TGFBR3: variants seen among roughly 807,000 people sequenced by gnomAD.
TGFBR3 encodes transforming growth factor beta receptor 3, also known as transforming growth factor beta receptor type 3.
A neutral mutation model predicts 87.9 loss-of-function variants in TGFBR3; 46 were observed. That is an observed-to-expected ratio of 0.52 (90% confidence interval 0.41 to 0.67). TGFBR3 has a LOEUF of 0.67. Among genes scored for constraint, TGFBR3 ranks in the 30% least tolerant of loss-of-function variants. The probability of loss-of-function intolerance (pLI) is 0.00; values close to 1 mark genes in which losing one functional copy is unlikely to be tolerated. For synonymous variants in TGFBR3, 381 were observed against 391.6 expected (o/e 0.97, Z 0.32); for missense variants, 866 against 1,041.9 (o/e 0.83, Z 2.32).
chr1:91,775,147 C>T (rs1426804402), intron 3 of TGFBR3, among the ~76,000 whole-genome samples: 4 of 152,194 alleles, frequency 2.6e-5, no homozygotes, highest in East Asian at 1.9e-4. Flanking sequence ...TGGAACTATT[C>T]GCATTTCTCC....
At chr1:91,818,591 C>T (rs1202638366) in intron 2 of TGFBR3, among the ~76,000 whole-genome samples, 2 of 151,890 alleles carry the variant, frequency 1.3e-5, no homozygotes, top group Non-Finnish European at 1.5e-5. Flanking sequence ...GGAGAAGTAA[C>T]CAAAATATGT....
At chr1:91,769,745 C>T (rs1674310111) in intron 3 of TGFBR3, among the ~76,000 whole-genome samples, 2 of 151,916 alleles carry the variant, frequency 1.3e-5, no homozygotes, top group Non-Finnish European at 2.9e-5. Flanking sequence ...TGAACAAGCT[C>T]GGTGAAGACC....
intron 2 of TGFBR3, among the ~76,000 whole-genome samples, chr1:91,810,996 T>C (rs996578975): frequency 6.6e-6 from 1 of 152,172 alleles, no homozygotes; most frequent in African/African-American, 2.4e-5. Flanking sequence ...AATATGATGC[T>C]CACATAGATA....
chr1:91,886,242 G>A (rs1399001514), upstream of TGFBR3: 3 of 444,468 alleles, frequency 6.7e-6, no homozygotes, highest in East Asian at 7.2e-5. Context: ...GCGCGCGGGG[G>A]GAAGGGCGCT....
chr1:91,764,190 C>T (rs1284585811), intron 3 of TGFBR3, among the ~76,000 whole-genome samples: 1 of 151,772 alleles, frequency 6.6e-6, no homozygotes, highest in Non-Finnish European at 1.5e-5. Context: ...TGTCTTGAAA[C>T]CACTTAAAGT....
At chr1:91,732,216 A>G (rs1423572294) in intron 5 of TGFBR3, among the ~76,000 whole-genome samples, 1 of 152,164 alleles carries the variant, frequency 6.6e-6, no homozygotes, top group Admixed American at 6.5e-5. Flanking sequence ...TCTGGTGGTA[A>G]GTCAATGTTG....
In TGFBR3 at chr1:91,683,442, T is replaced by C. The variant is rs1170218759; in HGVS notation, c.*297A>G. ...CAAAGCAGCATTTTAAAAACTGGCA[T>C]GTGTTTCACATTGAAAACCCCCAAG... On this transcript the variant is annotated 3_prime_UTR_variant, in exon 17 of 17. Transcript: ENST00000212355. 1.6e-5 allele frequency: 10 copies of C among 614,070 alleles called. No individual in the cohort carries two copies. The highest frequency in any genetic ancestry group is 3.0e-5 in the Non-Finnish European group (10 of 330,312). The allele number at this position is 614,070 out of a possible 1,614,324, so 38.0% of individuals were successfully genotyped here. A position where few individuals can be genotyped will look rare whatever the true frequency, so the allele number is the denominator to read the frequency against.
intron 4 of TGFBR3, among the ~76,000 whole-genome samples, chr1:91,750,936 T>A (rs1413812122): frequency 6.6e-6 from 1 of 152,214 alleles, no homozygotes; most frequent in Admixed American, 6.5e-5. Flanking sequence ...TCACTATTAT[T>A]TAGCGTAATA....
At chr1:91,792,890 A>G (rs775974402) in intron 3 of TGFBR3, among the ~76,000 whole-genome samples, 1 of 152,162 alleles carries the variant, frequency 6.6e-6, no homozygotes, top group Non-Finnish European at 1.5e-5. Context: ...CCAGAAAGTC[A>G]TTTTCCAGTT....
Position 91,894,668 on chromosome 1 carries a change from C to T in TGFBR3, c.-114+4969G>A, listed in dbSNP as rs186738539. ...TACTAATGGTTTCCCTCCCATCACA[C>T]TGGCTGTTCCTTCTAAGTCACCTCC... On this transcript the variant is annotated intron_variant, in intron 2 of 17. Transcript: ENST00000370399. Among the ~76,000 whole-genome samples, 385 of 152,384 alleles carry T rather than the reference C, an allele frequency of 2.5e-3. 5 individuals carry two copies. The South Asian group carries it at 0.034, about 13-fold the overall frequency.
intron 5 of TGFBR3, among the ~76,000 whole-genome samples, chr1:91,732,082 C>T (rs1263014955): frequency 6.6e-6 from 1 of 152,096 alleles, no homozygotes; most frequent in African/African-American, 2.4e-5. Context: ...GAGTCACATG[C>T]TTATTTGTAT....
chr1:91,717,699 A>AC (rs1364558520), intron 10 of TGFBR3, among the ~76,000 whole-genome samples: 60 of 143,076 alleles, frequency 4.2e-4, no homozygotes, highest in Non-Finnish European at 6.7e-4. Flanking sequence ...TAAAAAAAAA[A>AC]AACAAACTGC....
At chr1:91,881,733 G>A (rs1196750093) in intron 1 of TGFBR3, among the ~76,000 whole-genome samples, 2 of 152,106 alleles carry the variant, frequency 1.3e-5, no homozygotes, top group African/African-American at 4.8e-5. Context: ...ATGAAATAAA[G>A]GTAAATCAAT....
rs143324063 is a variant in TGFBR3 at position 91,830,581 on chromosome 1, G to A, written c.61+30890C>T. Among the ~76,000 whole-genome samples, 431 of 152,224 alleles carry A rather than the reference G, an allele frequency of 2.8e-3. 3 individuals are homozygous for A. Among genetic ancestry groups the A allele is most frequent in the African/African-American group, 9.7e-3 (401 of 41,544 alleles). On this transcript the variant is annotated intron_variant, in intron 2 of 16. Transcript: ENST00000212355. ...TTCTGTGAACAGTGAGTGGGTCAACGGGAGCTGCAGTCATACCAGCCAGTA... is the reference window on the plus strand; with the variant it reads ...TTCTGTGAACAGTGAGTGGGTCAACAGGAGCTGCAGTCATACCAGCCAGTA...
rs1481954535 is a variant in TGFBR3 at position 91,905,073 on chromosome 1, T to C, written c.-175+753A>G. 2.0e-5 allele frequency among the ~76,000 whole-genome samples: 3 copies of C among 152,238 alleles called. No homozygotes were observed. In the East Asian group the frequency reaches 5.8e-4, roughly 29 times the overall value. Reference sequence around the variant, plus strand: ...TTCTGGGCGAATTAAATATAAATAATGATAGGCTTAGCACACTTCTTGGCA... The same window carrying C: ...TTCTGGGCGAATTAAATATAAATAACGATAGGCTTAGCACACTTCTTGGCA... On this transcript the variant is annotated intron_variant, in intron 1 of 17. Transcript: ENST00000370399.
intron 2 of TGFBR3, among the ~76,000 whole-genome samples, chr1:91,834,581 G>A (rs918606454): frequency 4.6e-5 from 7 of 152,188 alleles, no homozygotes; most frequent in African/African-American, 1.4e-4. Context: ...AAACAGCAGC[G>A]AACAAGATAA....
At chr1:91,744,967 C>A (rs143662767) in intron 4 of TGFBR3, among the ~76,000 whole-genome samples, 138 of 152,034 alleles carry the variant, frequency 9.1e-4, no homozygotes, top group Non-Finnish European at 1.8e-3. Flanking sequence ...AATGAAAAAG[C>A]CTGTTGAGAT....
intron 12 of TGFBR3, among the ~76,000 whole-genome samples, chr1:91,713,854 A>G (rs1277314786): frequency 6.6e-6 from 1 of 152,190 alleles, no homozygotes; most frequent in Non-Finnish European, 1.5e-5. Context: ...GCCGTTTAAC[A>G]TGAACTCAGA....
chr1:91,892,728 A>G (rs1176336378), intron 2 of TGFBR3, among the ~76,000 whole-genome samples: 1 of 152,192 alleles, frequency 6.6e-6, no homozygotes, highest in Non-Finnish European at 1.5e-5. Flanking sequence ...CGTAATGAAC[A>G]TGTATCATTT....
Sources: gnomAD v4.1 joint callset for allele counts (sites outside exome capture counted in the v4.1 genomes callset) on GRCh38, gnomAD v4.1.1 for gene constraint, MANE v1.5 for transcripts, NCBI Gene and HGNC (gene_info 2026-07-23, HGNC 2026-07-21) for gene names.